ARSB: variants seen among roughly 807,000 people sequenced by gnomAD.
ARSB encodes the protein N-acetylgalactosamine-4-sulfatase.
ARSB carries 41 observed loss-of-function variants against 50.9 expected under a neutral mutation model. The observed-to-expected ratio is 0.81, with a 90% confidence interval of 0.63 to 1.04. The LOEUF (loss-of-function observed/expected upper bound fraction) is 1.04. Among genes scored for constraint, ARSB ranks in the 50% least tolerant of loss-of-function variants. The probability of loss-of-function intolerance (pLI) is 0.00; values close to 1 mark genes in which losing one functional copy is unlikely to be tolerated. For missense variants in ARSB, 672 were observed against 693.3 expected (o/e 0.97, Z 0.35); for synonymous variants, 269 against 284.8 (o/e 0.94, Z 0.56).
chr5:78,926,939 T>C (rs1169473824), intron 4 of ARSB, among the ~76,000 whole-genome samples: 1 of 152,226 alleles, frequency 6.6e-6, no homozygotes, highest in Admixed American at 6.5e-5. Flanking sequence ...TGGAGTGCAA[T>C]GGCATGATCA....
intron 5 of ARSB, chr5:78,884,528 A>C (rs1306144189): frequency 6.7e-6 from 1 of 150,250 alleles, no homozygotes; most frequent in East Asian, 1.9e-4. Flanking sequence ...GGATGAAGAG[A>C]TGGCCTGAGG....
intron 4 of ARSB, among the ~76,000 whole-genome samples, chr5:78,955,024 T>A (rs1751655649): frequency 6.6e-6 from 1 of 152,184 alleles, no homozygotes; most frequent in Non-Finnish European, 1.5e-5. Context: ...GCCCTGTATA[T>A]GAGTGATGTC....
chr5:78,858,125 G>C (rs567120466), intron 5 of ARSB, among the ~76,000 whole-genome samples: 3 of 152,234 alleles, frequency 2.0e-5, no homozygotes, highest in African/African-American at 7.2e-5. Flanking sequence ...TAAATTCTCT[G>C]CTCAGTAAGA....
At chr5:78,904,223 T>G (rs1180827848) in intron 4 of ARSB, among the ~76,000 whole-genome samples, 1 of 152,250 alleles carries the variant, frequency 6.6e-6, no homozygotes, top group Non-Finnish European at 1.5e-5. Flanking sequence ...GTACCACATC[T>G]GTTTATCTAT....
chr5:78,908,946 C>T (rs74531420), intron 4 of ARSB, among the ~76,000 whole-genome samples: 1,925 of 152,276 alleles, frequency 0.013, 38 homozygotes, highest in African/African-American at 0.044. Flanking sequence ...TTAAATAAAA[C>T]TATGTGCTGC....
chr5:78,984,829 T>A, intron 1 of ARSB, 108 bp downstream of exon 1: 1 of 931,564 alleles, frequency 1.1e-6, no homozygotes, highest in Non-Finnish European at 1.4e-6. Flanking sequence ...GGGTCGGCGG[T>A]CCGAGCCCCG....
chr5:78,797,069 G>A (rs183885887), intron 6 of ARSB, among the ~76,000 whole-genome samples: 4,958 of 152,124 alleles, frequency 0.033, 125 homozygotes, highest in East Asian at 0.059. Flanking sequence ...TAGTAGAGAC[G>A]GGGTTTCACC....
intron 5 of ARSB, chr5:78,884,533 C>T (rs987629960): frequency 6.7e-6 from 1 of 149,172 alleles, no homozygotes; most frequent in African/African-American, 2.4e-5. Context: ...AAGAGATGGC[C>T]TGAGGAAGTC....
At chr5:78,809,952 CTG>C (rs1743745820) in intron 6 of ARSB, among the ~76,000 whole-genome samples, 1 of 152,244 alleles carries the variant, frequency 6.6e-6, no homozygotes, top group South Asian at 2.1e-4. Context: ...GGACCCATCT[CTG>C]GGCCCTTTCC....
intron 4 of ARSB, among the ~76,000 whole-genome samples, chr5:78,900,726 T>G (rs1417315264): frequency 1.3e-5 from 2 of 152,166 alleles, no homozygotes; most frequent in Non-Finnish European, 2.9e-5. Context: ...CCTTGATTCA[T>G]GCCCTCTTCC....
intron 5 of ARSB, among the ~76,000 whole-genome samples, chr5:78,842,621 T>C (rs892144250): frequency 6.6e-6 from 1 of 152,170 alleles, no homozygotes; most frequent in Non-Finnish European, 1.5e-5. Context: ...TAAATACCCA[T>C]ATGTTTTCAG....
intron 1 of ARSB, among the ~76,000 whole-genome samples, chr5:78,981,859 A>C (rs1300768654): frequency 6.6e-6 from 1 of 152,170 alleles, no homozygotes; most frequent in Non-Finnish European, 1.5e-5. Flanking sequence ...AATTATGGGA[A>C]AGGGGTCTGT....
chr5:78,935,721 T>C (rs1263962343), intron 4 of ARSB, among the ~76,000 whole-genome samples: 1 of 152,188 alleles, frequency 6.6e-6, no homozygotes, highest in Non-Finnish European at 1.5e-5. Context: ...TGTCAGGAAG[T>C]GCTGCAATCT....
At chr5:78,847,638 T>C (rs1054625927) in intron 5 of ARSB, among the ~76,000 whole-genome samples, 1 of 152,174 alleles carries the variant, frequency 6.6e-6, no homozygotes, top group African/African-American at 2.4e-5. Context: ...GAGAAGAATT[T>C]TTATTAGTTC....
intron 6 of ARSB, among the ~76,000 whole-genome samples, chr5:78,798,234 C>A (rs2112641397): frequency 6.6e-6 from 1 of 152,276 alleles, no homozygotes; most frequent in South Asian, 2.1e-4. Flanking sequence ...AACAGACAGC[C>A]ATCTCCAGTT....
At chr5:78,883,565 A>T (rs1254368650) in intron 5 of ARSB, 1 of 152,268 alleles carries the variant, frequency 6.6e-6, no homozygotes, top group Non-Finnish European at 1.5e-5. Flanking sequence ...TTGAAAAGTG[A>T]TCTTTAAAAT....
At position 78,777,646 on chromosome 5, in the gene ARSB, A is replaced by T. The variant is rs955362529; in HGVS notation, c.*2751T>A. ...AGTGGGTGGATCACTTGAGGTCAGGAGTTTGAGACCAGCCTGGCCAACATG... is the reference window on the plus strand; with the variant it reads ...AGTGGGTGGATCACTTGAGGTCAGGTGTTTGAGACCAGCCTGGCCAACATG... On this transcript the variant is annotated 3_prime_UTR_variant, in exon 8 of 8. Transcript: ENST00000264914. The T allele has an allele frequency of 6.6e-6, 1 of 152,502 alleles. No individual in the cohort carries two copies. Among genetic ancestry groups the T allele is most frequent in the Non-Finnish European group, 1.5e-5 (1 of 68,056 alleles). 9.4% of individuals were successfully genotyped at this position (152,502 alleles called of 1,614,324 possible).
At position 78,977,760 on chromosome 5, in the gene ARSB, A is replaced by T. The variant is rs535640634; in HGVS notation, c.312+7177T>A. Among the ~76,000 whole-genome samples the T allele has an allele frequency of 8.2e-4, 108 of 131,330 alleles. 1 individual carries two copies. Among genetic ancestry groups the T allele is most frequent in the Non-Finnish European group, 1.7e-3 (96 of 56,672 alleles). 86.2% of individuals were successfully genotyped at this position (131,330 alleles called of 152,430 possible). ...AAAGGTATCTAGATTAGAAAGGAGG[A>T]AGTAAAACTTCTTCTACTTGCAGAT... is the stretch of plus-strand genomic sequence containing the variant. On this transcript the variant is annotated intron_variant, in intron 1 of 7. Transcript: ENST00000264914.
chr5:78,869,956 A>G (rs1191336793), intron 5 of ARSB, among the ~76,000 whole-genome samples: 1 of 151,172 alleles, frequency 6.6e-6, no homozygotes, highest in Non-Finnish European at 1.5e-5. Flanking sequence ...AATCAAATAG[A>G]CACAATAAAA....
Sources: gnomAD v4.1 joint callset for allele counts (sites outside exome capture counted in the v4.1 genomes callset) on GRCh38, gnomAD v4.1.1 for gene constraint, MANE v1.5 for transcripts, NCBI Gene and HGNC (gene_info 2026-07-23, HGNC 2026-07-21) for gene names.